ENTHD1: variants seen among roughly 807,000 people sequenced by gnomAD.
ENTHD1 encodes the protein ENTH domain-containing protein 1.
ENTHD1 carries 23 observed loss-of-function variants against 39.1 expected under a neutral mutation model. The ratio of observed to expected loss-of-function variants is 0.59; its 90% CI spans 0.42 to 0.83. The LOEUF is 0.83. Ranked by LOEUF, ENTHD1 falls within the 40% of genes least tolerant of loss-of-function variation. ENTHD1 has a pLI of 0.00. For missense variants in ENTHD1, 624 were observed against 705.4 expected (o/e 0.88, Z 1.31); for synonymous variants, 230 against 258.2 (o/e 0.89, Z 1.05).
At chr22:39,883,662 T>C (rs1410729651) in intron 2 of ENTHD1, among the ~76,000 whole-genome samples, 5 of 152,004 alleles carry the variant, frequency 3.3e-5, no homozygotes, top group Admixed American at 6.6e-5. Flanking sequence ...AAAAATCATT[T>C]AATCAGGTTT....
chr22:39,876,463 C>T (rs918699405), intron 2 of ENTHD1, among the ~76,000 whole-genome samples: 44 of 146,554 alleles, frequency 3.0e-4, no homozygotes, highest in South Asian at 1.9e-3. Context: ...GCGTCAGGGA[C>T]GCAGATTCTG....
At chr22:39,784,525 GCT>G (rs148124035) in intron 5 of ENTHD1, among the ~76,000 whole-genome samples, 13 of 141,420 alleles carry the variant, frequency 9.2e-5, no homozygotes, top group South Asian at 2.3e-4. Flanking sequence ...AAGAAAATGC[GCT>G]CTCTCTCTCT....
chr22:39,831,422 G>A (rs1423745073), intron 4 of ENTHD1, among the ~76,000 whole-genome samples: 1 of 152,044 alleles, frequency 6.6e-6, no homozygotes, highest in African/African-American at 2.4e-5. Context: ...CAGAGAGAAA[G>A]ATTAAGAAAC....
At chr22:39,802,853 A>T (rs1184164894) in intron 5 of ENTHD1, among the ~76,000 whole-genome samples, 1 of 151,912 alleles carries the variant, frequency 6.6e-6, no homozygotes, top group Admixed American at 6.6e-5. Context: ...TCTTTCCATC[A>T]CTCTGACAAT....
chr22:39,888,761 G>C (rs999884996), intron 1 of ENTHD1, among the ~76,000 whole-genome samples: 1 of 151,986 alleles, frequency 6.6e-6, no homozygotes, highest in Non-Finnish European at 1.5e-5. Flanking sequence ...GTAGAGATGG[G>C]GGTCTCAATA....
chr22:39,865,944 G>A (rs1222405084), intron 2 of ENTHD1, among the ~76,000 whole-genome samples: 1 of 152,210 alleles, frequency 6.6e-6, no homozygotes, highest in Admixed American at 6.5e-5. Flanking sequence ...CTTCTTGCAA[G>A]TTGGCTTCTT....
chr22:39,841,365 G>T (rs1601632756), intron 3 of ENTHD1, among the ~76,000 whole-genome samples: 2 of 152,296 alleles, frequency 1.3e-5, no homozygotes, highest in East Asian at 3.9e-4. Flanking sequence ...AACTACCAGT[G>T]AGTCTAAGTC....
At chr22:39,777,876 A>C (rs2065378065) in intron 5 of ENTHD1, among the ~76,000 whole-genome samples, 1 of 152,230 alleles carries the variant, frequency 6.6e-6, no homozygotes. Context: ...TATCTATTGC[A>C]ACGTTTCCTG....
intron 1 of ENTHD1, among the ~76,000 whole-genome samples, chr22:39,890,099 AAAAT>A (rs202065437): frequency 0.39 from 54,698 of 139,224 alleles, 11,207 homozygotes; most frequent in East Asian, 0.66. Flanking sequence ...CTCTGTCTCA[AAAAT>A]AAATAAATAA....
At position 39,744,160 on chromosome 22, in the gene ENTHD1, G is replaced by A; in HGVS notation, c.1343C>T (p.Thr448Ile). 1.2e-6 allele frequency: 2 copies of A among 1,614,148 alleles called. No homozygotes were observed. The highest frequency in any genetic ancestry group is 1.1e-5 in the South Asian group (1 of 91,086). Residue 448 changes from threonine (T) to isoleucine (I), a missense_variant, in exon 7 of 7, where the codon ACT becomes ATT. Physicochemically the swap from Thr to Ile is moderately conservative, Grantham distance 89. Transcript: ENST00000325157. ...AGAAGACAACTGTTGATGGGACAGA[G>A]TCCAGAAGGAAGGTCCGGCCAGAAT... is the stretch of plus-strand genomic sequence containing the variant. The part of the protein sequence containing the change: ...SPILAGPSFW[T>I]LSHQQLSSTS...
chr22:39,813,714 G>T (rs1299936995), intron 5 of ENTHD1, among the ~76,000 whole-genome samples: 1 of 152,108 alleles, frequency 6.6e-6, no homozygotes, highest in Non-Finnish European at 1.5e-5. Context: ...ACCTAGCATG[G>T]TATGGTAAGA....
chr22:39,812,423 A>G (rs145227388), intron 5 of ENTHD1, among the ~76,000 whole-genome samples: 3 of 152,350 alleles, frequency 2.0e-5, no homozygotes, highest in Middle Eastern at 3.4e-3. Flanking sequence ...ACAAGGAGGC[A>G]TGTGGATGGA....
chr22:39,828,806 A>G (rs2146663685), intron 4 of ENTHD1, among the ~76,000 whole-genome samples: 1 of 152,330 alleles, frequency 6.6e-6, no homozygotes, highest in African/African-American at 2.4e-5. Context: ...GGCAGTATAT[A>G]TAGAGAAAAC....
chr22:39,859,175 T>A (rs76652448), intron 3 of ENTHD1, among the ~76,000 whole-genome samples: 31 of 152,342 alleles, frequency 2.0e-4, no homozygotes, highest in African/African-American at 7.5e-4. Context: ...CTTTGCAGAA[T>A]TAAAGACAGT....
chr22:39,799,725 T>C (rs1326130999), intron 5 of ENTHD1, among the ~76,000 whole-genome samples: 1 of 152,172 alleles, frequency 6.6e-6, no homozygotes. Context: ...ACTGCGCATG[T>C]GTTAAGAGAC....
intron 3 of ENTHD1, among the ~76,000 whole-genome samples, chr22:39,853,358 C>G (rs1279981573): frequency 3.3e-5 from 5 of 151,962 alleles, no homozygotes; most frequent in Non-Finnish European, 7.4e-5. Flanking sequence ...TGGTGAAACC[C>G]TGTCTCTACT....
Position 39,743,812 on chromosome 22 carries a change from T to G in ENTHD1, c.1691A>C (p.Glu564Ala). 2 of 1,614,160 alleles carry G rather than the reference T, an allele frequency of 1.2e-6. No homozygotes were observed. The highest frequency in any genetic ancestry group is 8.5e-7 in the Non-Finnish European group (1 of 1,180,016). ...TTCTTGGATCACTGTGCTCAGATCTTCATGTAATCTAGCGATCGCACGTTT... is the reference window on the plus strand; with the variant it reads ...TTCTTGGATCACTGTGCTCAGATCTGCATGTAATCTAGCGATCGCACGTTT... ...EVKRAIARLH[E>A]DLSTVIQELN... Residue 564 changes from glutamate (E) to alanine (A), a missense_variant, in exon 7 of 7, where the codon GAA becomes GCA. Glu to Ala is a moderately radical substitution (Grantham distance 107). Coordinates refer to ENST00000325157, the MANE Select transcript of ENTHD1 (RefSeq NM_152512.4).
At chr22:39,795,448 C>G (rs140598957) in intron 5 of ENTHD1, among the ~76,000 whole-genome samples, 1 of 151,186 alleles carries the variant, frequency 6.6e-6, no homozygotes, top group Admixed American at 6.6e-5. Context: ...CTTTTTGGGA[C>G]AAGGTCTCAC....
intron 2 of ENTHD1, among the ~76,000 whole-genome samples, chr22:39,879,819 C>T (rs541324696): frequency 5.9e-5 from 9 of 152,316 alleles, no homozygotes; most frequent in African/African-American, 1.7e-4. Flanking sequence ...TAAAAAACTT[C>T]ATACAGTTGT....
Sources: allele counts gnomAD v4.1 joint callset (sites outside exome capture counted in the v4.1 genomes callset), GRCh38; gene constraint gnomAD v4.1.1; transcripts MANE v1.5; gene names NCBI Gene and HGNC (gene_info 2026-07-23, HGNC 2026-07-21).